Variants in NRG1 observed in about 807,000 individuals in gnomAD.
The protein encoded by NRG1 is neuregulin 1.
In NRG1, 18 loss-of-function variants were observed where a neutral mutation model predicts 63.8. That is an observed-to-expected ratio of 0.28 (90% CI 0.19 to 0.42). The LOEUF (loss-of-function observed/expected upper bound fraction) is 0.42. Among genes scored for constraint, NRG1 ranks in the 10% least tolerant of loss-of-function variants. NRG1 has a pLI of 1.00. For missense variants in NRG1, 762 were observed against 814.7 expected (o/e 0.94, Z 0.79); for synonymous variants, 302 against 301.3 (o/e 1.00, Z -0.02).
chr8:32,177,905 C>G (rs1840977925), intron 1 of NRG1, among the ~76,000 whole-genome samples: 1 of 152,024 alleles, frequency 6.6e-6, no homozygotes, highest in African/African-American at 2.4e-5. Context: ...GGAAGCAACA[C>G]TTGCAAAAGG....
rs537221051 is a variant in NRG1 at position 32,728,229 on chromosome 8, C to T, written c.632+151C>T. On this transcript the variant is annotated intron_variant, in intron 6 of 11. Coordinates refer to ENST00000356819, the Ensembl canonical transcript of NRG1. ...TATGTAGAGTGTTTTAAAACATTCA[C>T]ACCATTCGTCATCACTCCTCTGTCA... 6 of 1,443,200 alleles carry T rather than the reference C, an allele frequency of 4.2e-6. No individual in the cohort carries two copies. In the East Asian group the frequency reaches 7.4e-5, roughly 18 times the overall value. The allele number at this position is 1,443,200 out of a possible 1,614,324, so 89.4% of individuals were successfully genotyped here.
Position 31,639,748 on chromosome 8 carries a change from GC to G in NRG1, c.37+319del. 2.9e-6 allele frequency: 4 copies of G among 1,357,800 alleles called. No homozygotes were observed. The South Asian group carries it at 7.0e-5, about 24-fold the overall frequency. The allele number at this position is 1,357,800 out of a possible 1,614,324, so 84.1% of individuals were successfully genotyped here. ...GCGGTTTTTTTGCCTTTTCTATTTT[GC>G]CTTTTTTTTTTTTGCCCTTATACCT... On this transcript the variant is annotated intron_variant, in intron 1 of 10. Transcript: ENST00000519301.
intron 1 of NRG1, among the ~76,000 whole-genome samples, chr8:32,477,592 A>G (rs116003547): frequency 4.8e-4 from 73 of 152,318 alleles, no homozygotes; most frequent in African/African-American, 1.7e-3. Flanking sequence ...TTGTTTTAAA[A>G]ATACCTTTGG....
intron 1 of NRG1, among the ~76,000 whole-genome samples, chr8:32,060,844 T>C (rs1823729343): frequency 6.6e-6 from 1 of 151,866 alleles, no homozygotes; most frequent in Non-Finnish European, 1.5e-5. Flanking sequence ...GCCTGTTACG[T>C]TTTAAAATGG....
At chr8:31,767,763 C>T (rs1818213340) in intron 1 of NRG1, among the ~76,000 whole-genome samples, 2 of 150,588 alleles carry the variant, frequency 1.3e-5, no homozygotes, top group Non-Finnish European at 2.9e-5. Flanking sequence ...TTGATTGAAC[C>T]TGGAGGCGGA....
intron 1 of NRG1, among the ~76,000 whole-genome samples, chr8:31,672,651 AT>A (rs1264190440): frequency 6.6e-6 from 1 of 152,206 alleles, no homozygotes; most frequent in Non-Finnish European, 1.5e-5. Flanking sequence ...AAGAATACTG[AT>A]TTTTTTGTCA....
chr8:32,232,435 A>G (rs936773026), intron 1 of NRG1, among the ~76,000 whole-genome samples: 1 of 152,186 alleles, frequency 6.6e-6, no homozygotes, highest in African/African-American at 2.4e-5. Flanking sequence ...ATTTAAAAGT[A>G]AGATCAATTC....
At chr8:32,215,976 G>T (rs551300977) in intron 1 of NRG1, among the ~76,000 whole-genome samples, 1 of 152,048 alleles carries the variant, frequency 6.6e-6, no homozygotes, top group Non-Finnish European at 1.5e-5. Context: ...GGGAAGCAGA[G>T]GTTGCAGTGA....
chr8:32,668,242 A>G (rs777070659), intron 5 of NRG1, among the ~76,000 whole-genome samples: 1 of 151,978 alleles, frequency 6.6e-6, no homozygotes, highest in Non-Finnish European at 1.5e-5. Context: ...ATGCTGGTTA[A>G]AGGTCCCTGT....
At position 31,810,683 on chromosome 8, in the gene NRG1, C is replaced by T. The variant is rs550220510; in HGVS notation, c.37+171252C>T. Among the ~76,000 whole-genome samples, 14 of 152,276 alleles carry T rather than the reference C, an allele frequency of 9.2e-5. No homozygotes were observed. In the East Asian group the frequency reaches 2.7e-3, roughly 29 times the overall value. ...GTTATCATCCACTGTCCCTCTTTAT[C>T]CCTTTTCCCTGCCCTTTTTCTTAAT... On this transcript the variant is annotated intron_variant, in intron 1 of 10. Transcript: ENST00000519301.
At chr8:32,291,703 C>T (rs1042525862) in intron 1 of NRG1, among the ~76,000 whole-genome samples, 5 of 151,632 alleles carry the variant, frequency 3.3e-5, no homozygotes, top group African/African-American at 4.8e-5. Context: ...CCACCACTCC[C>T]GGCTAATTTG....
intron 1 of NRG1, among the ~76,000 whole-genome samples, chr8:32,040,629 G>A (rs1226608249): frequency 1.4e-5 from 2 of 146,896 alleles, no homozygotes; most frequent in African/African-American, 2.5e-5. Flanking sequence ...ATATATACAC[G>A]TATGTATGTA....
At chr8:32,085,127 A>G (rs1304861994) in intron 1 of NRG1, among the ~76,000 whole-genome samples, 2 of 152,200 alleles carry the variant, frequency 1.3e-5, no homozygotes, top group African/African-American at 4.8e-5. Flanking sequence ...TTATTGCTCT[A>G]TATCCTTTGC....
chr8:31,725,020 A>C (rs1813286039), intron 1 of NRG1, among the ~76,000 whole-genome samples: 1 of 152,214 alleles, frequency 6.6e-6, no homozygotes, highest in African/African-American at 2.4e-5. Flanking sequence ...CTTTATTTAT[A>C]GATACAGAAA....
chr8:32,582,342 C>T (rs1260836990), intron 1 of NRG1, among the ~76,000 whole-genome samples: 1 of 152,148 alleles, frequency 6.6e-6, no homozygotes. Context: ...AAGTGATCTG[C>T]CTACCTCAGC....
chr8:31,641,432 G>A (rs772362433), intron 1 of NRG1, among the ~76,000 whole-genome samples: 22 of 151,922 alleles, frequency 1.4e-4, no homozygotes, highest in Non-Finnish European at 2.6e-4. Flanking sequence ...ACAGATGAAC[G>A]AAATTATGGA....
At chr8:32,633,462 T>C (rs1355294679) in intron 5 of NRG1, among the ~76,000 whole-genome samples, 3 of 152,288 alleles carry the variant, frequency 2.0e-5, no homozygotes, top group South Asian at 4.1e-4. Flanking sequence ...CTATCACTAA[T>C]CAAACAAAAC....
intron 1 of NRG1, among the ~76,000 whole-genome samples, chr8:32,059,108 A>G (rs1823436246): frequency 6.6e-6 from 1 of 152,096 alleles, no homozygotes; most frequent in Non-Finnish European, 1.5e-5. Context: ...ACTCACTGAA[A>G]AGAAAAGATT....
chr8:32,336,929 T>A (rs1460922586), intron 1 of NRG1, among the ~76,000 whole-genome samples: 2 of 152,242 alleles, frequency 1.3e-5, no homozygotes, highest in South Asian at 4.2e-4. Context: ...CATTTTATTC[T>A]ACATACAATG....
Sources: allele counts gnomAD v4.1 joint callset (sites outside exome capture counted in the v4.1 genomes callset), GRCh38; gene constraint gnomAD v4.1.1; transcripts MANE v1.5; gene names NCBI Gene and HGNC (gene_info 2026-07-23, HGNC 2026-07-21).